EYA3: variants seen among roughly 807,000 people sequenced by gnomAD.
EYA3 encodes the protein protein phosphatase EYA3.
In EYA3, 39 loss-of-function variants were observed where a neutral mutation model predicts 80.0. The observed-to-expected ratio is 0.49, with a 90% confidence interval of 0.38 to 0.64. The LOEUF (loss-of-function observed/expected upper bound fraction) is 0.64. Among genes scored for constraint, EYA3 ranks in the 30% least tolerant of loss-of-function variants. The pLI is 0.00. For synonymous variants in EYA3, 206 were observed against 232.8 expected (o/e 0.88, Z 1.05); for missense variants, 523 against 676.1 (o/e 0.77, Z 2.51).
At chr1:28,010,201 C>T (rs1469228784) in intron 10 of EYA3, among the ~76,000 whole-genome samples, 2 of 152,022 alleles carry the variant, frequency 1.3e-5, no homozygotes, top group African/African-American at 4.8e-5. Context: ...AAAGATAATA[C>T]AAAAACTCCA....
At chr1:28,047,811 T>G (rs1336718790) in intron 3 of EYA3, among the ~76,000 whole-genome samples, 2 of 152,002 alleles carry the variant, frequency 1.3e-5, no homozygotes, top group African/African-American at 4.8e-5. Flanking sequence ...GTTAATAATT[T>G]TGTATTTTTA....
chr1:28,014,050 G>A (rs765291442), intron 8 of EYA3, among the ~76,000 whole-genome samples: 6 of 152,118 alleles, frequency 3.9e-5, no homozygotes, highest in Non-Finnish European at 5.9e-5. Context: ...GTGACAAAGC[G>A]AGACCCTGTC....
chr1:27,982,318 AT>A (rs1217970776), intron 16 of EYA3, among the ~76,000 whole-genome samples: 2 of 151,586 alleles, frequency 1.3e-5, no homozygotes, highest in Non-Finnish European at 2.9e-5. Context: ...AATTAAAAAA[AT>A]TTTTTTTGTA....
At chr1:28,073,374 T>A (rs1160632322) in intron 1 of EYA3, among the ~76,000 whole-genome samples, 6 of 149,466 alleles carry the variant, frequency 4.0e-5, no homozygotes. Flanking sequence ...CTTGGCTCAC[T>A]GCAACCACCA....
rs553070687 is a variant in EYA3 at position 27,986,280 on chromosome 1, G to A, written c.1540+2255C>T. On this transcript the variant is annotated intron_variant, in intron 16 of 17. Coordinates refer to ENST00000373871, the MANE Select transcript of EYA3 (RefSeq NM_001990.4). ...CTTGGGACGCTGAGGCAAGAGAATC[G>A]CTTGAACCTGGGAGGCAGAAGTTGC... Among the ~76,000 whole-genome samples the A allele has an allele frequency of 5.3e-4, 81 of 151,856 alleles. 1 individual carries two copies. The highest frequency in any genetic ancestry group is 4.2e-4 in the South Asian group (2 of 4,816).
intron 17 of EYA3, among the ~76,000 whole-genome samples, chr1:27,978,027 T>C (rs1051019716): frequency 6.6e-6 from 1 of 152,040 alleles, no homozygotes; most frequent in African/African-American, 2.4e-5. Flanking sequence ...AAAGAAAGAA[T>C]GATTAGCCTT....
chr1:28,056,964 A>C (rs12406834), intron 2 of EYA3, among the ~76,000 whole-genome samples: 10,719 of 152,224 alleles, frequency 0.07, 671 homozygotes, highest in East Asian at 0.25. Flanking sequence ...GATAATTTTT[A>C]ACCCTACCAT....
At chr1:28,051,410 G>A (rs540568836) in intron 2 of EYA3, among the ~76,000 whole-genome samples, 113 of 152,194 alleles carry the variant, frequency 7.4e-4, no homozygotes, top group Non-Finnish European at 1.2e-3. Context: ...GAATATGGCC[G>A]GGTCCAGTGG....
At chr1:28,086,603 C>T (rs1218665207) in intron 1 of EYA3, among the ~76,000 whole-genome samples, 1 of 152,120 alleles carries the variant, frequency 6.6e-6, no homozygotes, top group African/African-American at 2.4e-5. Context: ...AGAGTGATTT[C>T]CCATCATTTT....
intron 8 of EYA3, among the ~76,000 whole-genome samples, chr1:28,014,708 A>T (rs1234480206): frequency 6.6e-6 from 1 of 151,246 alleles, no homozygotes; most frequent in Non-Finnish European, 1.5e-5. Context: ...AGACTGGGCA[A>T]CAGAGCAAGA....
chr1:28,004,671 CTTATT>C (rs1311035096), intron 10 of EYA3, among the ~76,000 whole-genome samples: 1 of 151,654 alleles, frequency 6.6e-6, no homozygotes, highest in Non-Finnish European at 1.5e-5. Context: ...AAAATTATAG[CTTATT>C]TTATATATAT....
intron 6 of EYA3, 49 bp from the exon 7 acceptor site, chr1:28,027,975 G>A: frequency 2.5e-6 from 4 of 1,604,070 alleles, no homozygotes; most frequent in East Asian, 2.2e-5. Flanking sequence ...TGGGACTGAG[G>A]AGCATGGTTA....
chr1:28,074,276 A>C (rs1265686261), intron 1 of EYA3, among the ~76,000 whole-genome samples: 1 of 152,190 alleles, frequency 6.6e-6, no homozygotes, highest in Non-Finnish European at 1.5e-5. Context: ...TAAACACTAG[A>C]GGTAGAACTA....
At chr1:28,051,068 G>A (rs1238688677) in intron 2 of EYA3, among the ~76,000 whole-genome samples, 4 of 152,156 alleles carry the variant, frequency 2.6e-5, no homozygotes, top group Admixed American at 2.6e-4. Flanking sequence ...TATACAAGCA[G>A]CTGGTATCCA....
intron 12 of EYA3, chr1:27,998,264 T>G (rs1344412473): frequency 1.0e-6 from 1 of 971,408 alleles, no homozygotes; most frequent in Non-Finnish European, 1.2e-6. Context: ...TTATGCCCCC[T>G]AAAGTTGAGA....
intron 1 of EYA3, among the ~76,000 whole-genome samples, chr1:28,065,224 C>A (rs1571935892): frequency 6.6e-6 from 1 of 152,294 alleles, no homozygotes; most frequent in East Asian, 1.9e-4. Flanking sequence ...GCATGAATTT[C>A]TTTTCCTTCT....
At chr1:28,066,130 T>C (rs1331833714) in intron 1 of EYA3, among the ~76,000 whole-genome samples, 1 of 151,962 alleles carries the variant, frequency 6.6e-6, no homozygotes, top group Non-Finnish European at 1.5e-5. Flanking sequence ...AACATGAATA[T>C]GTTGGATAAA....
At chr1:28,078,845 C>T (rs998710764) in intron 1 of EYA3, among the ~76,000 whole-genome samples, 1 of 152,216 alleles carries the variant, frequency 6.6e-6, no homozygotes, top group Admixed American at 6.5e-5. Flanking sequence ...AGTCACCAAC[C>T]TGGTATTCGA....
intron 7 of EYA3, among the ~76,000 whole-genome samples, chr1:28,022,324 A>G (rs1642494932): frequency 6.6e-6 from 1 of 151,746 alleles, no homozygotes; most frequent in Non-Finnish European, 1.5e-5. Context: ...AATTTTTTGT[A>G]TTTTTAGTAG....
Sources: gnomAD v4.1 joint callset for allele counts (sites outside exome capture counted in the v4.1 genomes callset) on GRCh38, gnomAD v4.1.1 for gene constraint, MANE v1.5 for transcripts, NCBI Gene and HGNC (gene_info 2026-07-23, HGNC 2026-07-21) for gene names.